The following ALK variants were observed in gnomAD, a reference collection of about 807,000 sequenced individuals.
The protein encoded by ALK is ALK receptor tyrosine kinase.
ALK carries 74 observed loss-of-function variants against 163.1 expected under a neutral mutation model. The ratio of observed to expected loss-of-function variants is 0.45; its 90% CI spans 0.38 to 0.55. ALK has a LOEUF of 0.55. Ranked by LOEUF, ALK falls within the 20% of genes least tolerant of loss-of-function variation. The probability of loss-of-function intolerance (pLI) is 0.00; values close to 1 mark genes in which losing one functional copy is unlikely to be tolerated. For missense variants in ALK, 2,063 were observed against 2,105.3 expected, an observed-to-expected ratio of 0.98 and a Z score of 0.39; for synonymous variants, 960 against 843.2, an observed-to-expected ratio of 1.14 and a Z score of -2.40.
intron 9 of ALK, among the ~76,000 whole-genome samples, chr2:29,277,388 A>C (rs997214106): frequency 6.6e-6 from 1 of 152,236 alleles, no homozygotes; most frequent in Non-Finnish European, 1.5e-5. Context: ...TACTGTTTCC[A>C]TGGAGCAAAG....
chr2:29,586,161 T>A (rs62131138), intron 3 of ALK, among the ~76,000 whole-genome samples: 5 of 152,134 alleles, frequency 3.3e-5, no homozygotes, highest in African/African-American at 2.4e-5. Context: ...TTTTTCATCC[T>A]TTTATTAATC....
intron 1 of ALK, among the ~76,000 whole-genome samples, chr2:29,882,841 C>A (rs976985891): frequency 6.6e-6 from 1 of 152,216 alleles, no homozygotes; most frequent in African/African-American, 2.4e-5. Context: ...ACAAATACAA[C>A]TTTTAGTGAT....
At chr2:29,697,618 G>C (rs80117004) in intron 2 of ALK, among the ~76,000 whole-genome samples, 1 of 152,114 alleles carries the variant, frequency 6.6e-6, no homozygotes, top group African/African-American at 2.4e-5. Context: ...TCCTCTCCCC[G>C]AAGCCGTGGG....
At chr2:29,765,092 G>A (rs1029378101) in intron 1 of ALK, among the ~76,000 whole-genome samples, 3 of 152,032 alleles carry the variant, frequency 2.0e-5, no homozygotes, top group African/African-American at 7.3e-5. Context: ...GTTTCCTGAG[G>A]CCTCCCCAGA....
intron 3 of ALK, among the ~76,000 whole-genome samples, chr2:29,609,880 G>A (rs562150688): frequency 2.6e-5 from 4 of 152,150 alleles, no homozygotes; most frequent in African/African-American, 9.6e-5. Context: ...GGCCTCAAGT[G>A]ACCTTCCCAA....
At chr2:29,314,974 A>G (rs1410946287) in intron 8 of ALK, among the ~76,000 whole-genome samples, 1 of 152,164 alleles carries the variant, frequency 6.6e-6, no homozygotes, top group Non-Finnish European at 1.5e-5. Flanking sequence ...CATGAAAGCC[A>G]CTGCAAGCCT....
chr2:29,408,760 T>C (rs981552710), intron 4 of ALK, among the ~76,000 whole-genome samples: 1 of 152,178 alleles, frequency 6.6e-6, no homozygotes, highest in African/African-American at 2.4e-5. Flanking sequence ...TTTTTAGTTC[T>C]ATGAGTTTCA....
chr2:29,293,413 GT>G (rs1389134470), intron 9 of ALK, among the ~76,000 whole-genome samples: 2 of 151,992 alleles, frequency 1.3e-5, no homozygotes, highest in Non-Finnish European at 2.9e-5. Context: ...TACCTTGTTA[GT>G]TTGTATATTC....
chr2:29,632,640 C>A (rs187399108), intron 3 of ALK, among the ~76,000 whole-genome samples: 1 of 152,114 alleles, frequency 6.6e-6, no homozygotes. Context: ...GAGCCCTCAG[C>A]GGAAACCCAC....
chr2:29,347,081 T>C lies in ALK; in HGVS notation c.1283-18600A>G, dbSNP rs1372123250. On this transcript the variant is annotated intron_variant, in intron 5 of 28. Transcript: ENST00000389048. ...TCCGTTTTTTGTAGTTCAAGGTACA[T>C]GATTTCAGTTAATACTGAAAACAAC... Among the ~76,000 whole-genome samples the C allele has an allele frequency of 2.0e-5, 3 of 152,338 alleles. No individual in the cohort carries two copies. The East Asian group carries it at 5.8e-4, about 29-fold the overall frequency.
At chr2:29,836,130 G>A (rs1004294005) in intron 1 of ALK, among the ~76,000 whole-genome samples, 8 of 152,140 alleles carry the variant, frequency 5.3e-5, no homozygotes, top group African/African-American at 1.7e-4. Context: ...CCTTAGCAAT[G>A]TTCCCAGGGA....
chr2:29,705,281 A>AT (rs1558451329), intron 2 of ALK, among the ~76,000 whole-genome samples: 8,579 of 26,340 alleles, frequency 0.33, 1,736 homozygotes, highest in African/African-American at 0.38. Flanking sequence ...ATATATATAT[A>AT]AATATATATC....
chr2:29,782,679 C>T (rs1226103476), intron 1 of ALK, among the ~76,000 whole-genome samples: 1 of 152,108 alleles, frequency 6.6e-6, no homozygotes, highest in Non-Finnish European at 1.5e-5. Flanking sequence ...CCTAATTTCC[C>T]ATCAGCCATC....
chr2:29,527,491 C>A (rs371024415), intron 4 of ALK, among the ~76,000 whole-genome samples: 1 of 151,990 alleles, frequency 6.6e-6, no homozygotes, highest in African/African-American at 2.4e-5. Context: ...GGCTTTGCCA[C>A]GAGCAGGCAG....
At chr2:29,219,520 C>T (rs1268603942) in intron 23 of ALK, among the ~76,000 whole-genome samples, 4 of 152,200 alleles carry the variant, frequency 2.6e-5, no homozygotes, top group Non-Finnish European at 5.9e-5. Context: ...GCTGCTTTTA[C>T]TGTGCAAGTC....
At chr2:29,640,758 T>C (rs553265904) in intron 3 of ALK, among the ~76,000 whole-genome samples, 25 of 152,174 alleles carry the variant, frequency 1.6e-4, no homozygotes, top group South Asian at 1.2e-3. Context: ...GGGGAAGAAA[T>C]ACATTAAGCA....
chr2:29,646,332 G>T (rs1045247301), intron 3 of ALK, among the ~76,000 whole-genome samples: 5 of 152,064 alleles, frequency 3.3e-5, no homozygotes, highest in Non-Finnish European at 7.4e-5. Flanking sequence ...TCCAGCATCT[G>T]ATACAAGTTG....
intron 5 of ALK, among the ~76,000 whole-genome samples, chr2:29,354,966 CTG>C (rs930430723): frequency 2.1e-4 from 32 of 152,206 alleles, no homozygotes; most frequent in African/African-American, 6.3e-4. Flanking sequence ...CGGGGTTTCA[CTG>C]TGTTAGCCAG....
At chr2:29,445,550 T>C (rs1361475424) in intron 4 of ALK, among the ~76,000 whole-genome samples, 2 of 152,208 alleles carry the variant, frequency 1.3e-5, no homozygotes, top group Non-Finnish European at 2.9e-5. Flanking sequence ...TGGTGGCTCA[T>C]GCTTATAATC....
Sources: allele counts gnomAD v4.1 joint callset (sites outside exome capture counted in the v4.1 genomes callset), GRCh38; gene constraint gnomAD v4.1.1; transcripts MANE v1.5; gene names NCBI Gene and HGNC (gene_info 2026-07-23, HGNC 2026-07-21).